Variants in ARHGAP10 observed in about 807,000 individuals in gnomAD.
ARHGAP10 encodes the protein Rho GTPase activating protein 10, also known as rho GTPase-activating protein 10.
In ARHGAP10, 87 loss-of-function variants were observed where a neutral mutation model predicts 108.6. That is an observed-to-expected ratio of 0.80 (90% CI 0.67 to 0.96). The LOEUF (loss-of-function observed/expected upper bound fraction) is 0.96, where lower values mean the gene tolerates loss of function less well. Among genes scored for constraint, ARHGAP10 ranks in the 40% least tolerant of loss-of-function variants. The pLI is 0.00. For synonymous variants in ARHGAP10, 347 were observed against 341.1 expected, an observed-to-expected ratio of 1.02 and a Z score of -0.19; for missense variants, 939 against 954.5, an observed-to-expected ratio of 0.98 and a Z score of 0.21.
At chr4:147,911,473 C>G (rs1387178627) in intron 12 of ARHGAP10, among the ~76,000 whole-genome samples, 1 of 152,200 alleles carries the variant, frequency 6.6e-6, no homozygotes, top group Non-Finnish European at 1.5e-5. Context: ...CTCCGTTTTC[C>G]TGTCTCAACC....
intron 18 of ARHGAP10, among the ~76,000 whole-genome samples, chr4:147,986,347 G>C (rs1052265639): frequency 2.0e-5 from 3 of 152,162 alleles, no homozygotes; most frequent in African/African-American, 7.2e-5. Context: ...ACTGGGATTT[G>C]AGCCCACTCT....
chr4:147,909,755 C>T lies in ARHGAP10; in HGVS notation c.1140C>T (p.Ala380=), dbSNP rs1736658924. The T allele has an allele frequency of 1.9e-6, 3 of 1,611,964 alleles. No homozygotes were observed. Among genetic ancestry groups the T allele is most frequent in the Admixed American group, 1.7e-5 (1 of 59,996 alleles). The change falls in exon 12 of 23, where the codon GCC becomes GCT. Residue 380 remains alanine (A), a synonymous_variant. Coordinates refer to ENST00000336498, the MANE Select transcript of ARHGAP10 (RefSeq NM_024605.4). ...KEALSHSFNT[A]IIPRPEGNAQ... The stretch of plus-strand genomic sequence containing the variant: ...AGCTGTCCCATAGTTTTAATACAGC[C>T]ATCATCCCAAGACCAGAAGGAAGTA...
intron 18 of ARHGAP10, among the ~76,000 whole-genome samples, chr4:147,993,840 TGCTTGGGGGAGAGG>T (rs1740371237): frequency 6.6e-6 from 1 of 152,236 alleles, no homozygotes; most frequent in Non-Finnish European, 1.5e-5. Context: ...CATTCTAGTC[TGCTTGGGGGAGAGG>T]GTAGGCATTA....
intron 20 of ARHGAP10, among the ~76,000 whole-genome samples, chr4:148,062,830 A>G (rs1242680453): frequency 2.0e-5 from 3 of 152,172 alleles, no homozygotes; most frequent in African/African-American, 7.2e-5. Flanking sequence ...AATACCTTGA[A>G]TGTCCCACTA....
intron 3 of ARHGAP10, among the ~76,000 whole-genome samples, chr4:147,834,239 C>T (rs1733072589): frequency 6.6e-6 from 1 of 152,084 alleles, no homozygotes; most frequent in South Asian, 2.1e-4. Context: ...GGAGGTGAGG[C>T]ACGAGGATTG....
intron 1 of ARHGAP10, among the ~76,000 whole-genome samples, chr4:147,776,233 A>T (rs1458533945): frequency 6.6e-6 from 1 of 152,158 alleles, no homozygotes; most frequent in Non-Finnish European, 1.5e-5. Context: ...GGAAAAAAAA[A>T]TTCTAAGACG....
chr4:147,802,496 G>A (rs1731621784), intron 1 of ARHGAP10, among the ~76,000 whole-genome samples: 3 of 152,224 alleles, frequency 2.0e-5, no homozygotes, highest in African/African-American at 7.2e-5. Flanking sequence ...AAGACTGTTA[G>A]CATTGGGCAG....
chr4:147,982,546 C>CTTTT (rs753773443), intron 18 of ARHGAP10, among the ~76,000 whole-genome samples: 2,673 of 66,154 alleles, frequency 0.04, 112 homozygotes, highest in African/African-American at 0.15. Context: ...CCAGCTAAAT[C>CTTTT]TTTTTTTTTT....
At chr4:147,801,923 G>A (rs549748087) in intron 1 of ARHGAP10, among the ~76,000 whole-genome samples, 9 of 152,252 alleles carry the variant, frequency 5.9e-5, no homozygotes, top group East Asian at 5.8e-4. Context: ...AAATGGAGCC[G>A]GAGTTGAACT....
chr4:148,028,849 T>C (rs575187069), intron 19 of ARHGAP10, among the ~76,000 whole-genome samples: 1 of 152,300 alleles, frequency 6.6e-6, no homozygotes, highest in South Asian at 2.1e-4. Context: ...CTCAACTGAC[T>C]AGATGGAGAG....
intron 19 of ARHGAP10, among the ~76,000 whole-genome samples, chr4:148,037,162 G>T (rs1015333374): frequency 6.6e-6 from 1 of 152,106 alleles, no homozygotes; most frequent in African/African-American, 2.4e-5. Context: ...CAAAATTTTG[G>T]ACAAAACTGT....
At position 147,989,336 on chromosome 4, in the gene ARHGAP10, T is replaced by C. The variant is rs1016571314; in HGVS notation, c.1716+22497T>C. ...ATTGCTAATGAAGTTTTGGGCACCA[T>C]TGTCATTGATAACATCTTATCAGGA... On this transcript the variant is annotated intron_variant, in intron 18 of 22. Transcript: ENST00000336498. Among the ~76,000 whole-genome samples, 8 of 152,268 alleles carry C rather than the reference T, an allele frequency of 5.3e-5. 1 individual carries two copies. The highest frequency in any genetic ancestry group is 4.6e-4 in the Admixed American group (7 of 15,290).
At chr4:147,881,802 G>A in intron 9 of ARHGAP10, 36 bp from the exon 10 acceptor site, 2 of 1,599,558 alleles carry the variant, frequency 1.3e-6, no homozygotes, top group Non-Finnish European at 1.7e-6. Context: ...TACTTATCCT[G>A]TAGGTTTTGA....
chr4:147,808,043 A>G (rs538244454), intron 1 of ARHGAP10, among the ~76,000 whole-genome samples: 3 of 152,344 alleles, frequency 2.0e-5, no homozygotes, highest in South Asian at 4.1e-4. Context: ...TATTTCTTAC[A>G]TGTCTTTTTG....
intron 3 of ARHGAP10, among the ~76,000 whole-genome samples, chr4:147,837,106 A>G (rs894918630): frequency 6.6e-6 from 1 of 151,804 alleles, no homozygotes; most frequent in Non-Finnish European, 1.5e-5. Context: ...AAAGTGGGGG[A>G]ACTTTATTGG....
chr4:147,855,540 C>A (rs940536756), intron 4 of ARHGAP10, among the ~76,000 whole-genome samples: 1 of 152,146 alleles, frequency 6.6e-6, no homozygotes, highest in Admixed American at 6.5e-5. Context: ...GGTTAAAATA[C>A]AACTTCTGCT....
rs917321577 is a variant in ARHGAP10, at chr4:147,887,828, C to T, written c.1034+5896C>T. ...AGTGAGCTGAGATGGCACCACCGCA[C>T]TCCAGCCTGGGCGACAGAGCGAGAC... On this transcript the variant is annotated intron_variant, in intron 10 of 22. Transcript: ENST00000336498. Among the ~76,000 whole-genome samples, 3 of 151,452 alleles carry T rather than the reference C, an allele frequency of 2.0e-5. No individual in the cohort carries two copies. In the East Asian group the frequency reaches 5.8e-4, roughly 29 times the overall value.
intron 5 of ARHGAP10, chr4:147,858,314 T>G (rs1266989439): frequency 1.3e-5 from 2 of 150,156 alleles, no homozygotes; most frequent in Admixed American, 6.7e-5. Context: ...TTGCCATTGT[T>G]AGGATTTAGT....
chr4:147,838,120 A>C (rs914984133), intron 3 of ARHGAP10, among the ~76,000 whole-genome samples: 1 of 152,102 alleles, frequency 6.6e-6, no homozygotes, highest in Non-Finnish European at 1.5e-5. Context: ...AGCTCTTGGC[A>C]CCTTTGAGAT....
Sources: gnomAD v4.1 joint callset for allele counts (sites outside exome capture counted in the v4.1 genomes callset) on GRCh38, gnomAD v4.1.1 for gene constraint, MANE v1.5 for transcripts, NCBI Gene and HGNC (gene_info 2026-07-23, HGNC 2026-07-21) for gene names.